DAD1: variants seen among roughly 807,000 people sequenced by gnomAD.
The protein encoded by DAD1 is defender against cell death 1.
Under a neutral mutation model 9.0 loss-of-function variants are expected in DAD1, and 4 were observed. The observed-to-expected ratio is 0.44, with a 90% CI of 0.22 to 1.01. DAD1 has a LOEUF of 1.01. DAD1 is among the 50% of genes least tolerant of loss of function. DAD1 has a pLI of 0.24. For missense variants in DAD1, 119 were observed against 137.3 expected (o/e 0.87, Z 0.67); for synonymous variants, 60 against 62.5 (o/e 0.96, Z 0.19).
chr14:22,576,083 G>T (rs879453000), intron 1 of DAD1, among the ~76,000 whole-genome samples: 1 of 152,066 alleles, frequency 6.6e-6, no homozygotes, highest in African/African-American at 2.4e-5. Flanking sequence ...TGCCCAGGCC[G>T]GACTGGAACC....
chr14:22,589,197 T>G lies in DAD1; in HGVS notation c.-40A>C. 1 of 1,605,680 alleles carries G rather than the reference T, an allele frequency of 6.2e-7. No individual in the cohort carries two copies. The highest frequency in any genetic ancestry group is 1.1e-5 in the South Asian group (1 of 90,730). ...TACTCCGGTCCGCGCCCCAAACTCT[T>G]GGAGGACCCGTCGACCACACCGGAT... On this transcript the variant is annotated 5_prime_UTR_variant, in exon 1 of 3. Transcript: ENST00000250498.
intron 2 of DAD1, among the ~76,000 whole-genome samples, chr14:22,568,870 T>C (rs997337752): frequency 1.4e-4 from 21 of 152,230 alleles, no homozygotes; most frequent in Admixed American, 5.9e-4. Flanking sequence ...TCTAATTCTT[T>C]TGATTTTTGG....
At chr14:22,578,580 A>G (rs5742764) in intron 1 of DAD1, among the ~76,000 whole-genome samples, 14,017 of 152,252 alleles carry the variant, frequency 0.092, 1,189 homozygotes, top group African/African-American at 0.22. Context: ...AACAAAACAA[A>G]AAAGTATATG....
rs2037066760 is a variant in DAD1 at position 22,575,038 on chromosome 14, A to G, written c.*44+21T>C. 1.9e-6 allele frequency: 3 copies of G among 1,575,556 alleles called. No individual in the cohort carries two copies. The Admixed American group carries it at 5.3e-5, about 28-fold the overall frequency. On this transcript the variant is annotated intron_variant, in intron 2 of 2. Transcript: ENST00000250498. Reference sequence around the variant, plus strand: ...TTCCTAAAATCAACATTATAGGACAAGGACTATGATCATCACTTACATTCT... The same window carrying G: ...TTCCTAAAATCAACATTATAGGACAGGGACTATGATCATCACTTACATTCT...
chr14:22,589,060 T>C lies in DAD1; in HGVS notation c.98A>G (p.Tyr33Cys). 1 of 1,614,152 alleles carries C rather than the reference T, an allele frequency of 6.2e-7. No homozygotes were observed. The highest frequency in any genetic ancestry group is 8.5e-7 in the Non-Finnish European group (1 of 1,180,018). The change falls in exon 1 of 3, where the codon TAT (tyrosine) becomes TGT (cysteine). Residue 33 changes from tyrosine (Y) to cysteine (C), a missense_variant. Coordinates refer to ENST00000250498, the MANE Select transcript of DAD1 (RefSeq NM_001344.4). ...RLKLLDAYLL[Y>C]ILLTGALQFG... Reference sequence around the variant, plus strand: ...CTGCAGCGCCCCGGTCAGCAGTATATACAGCAGGTACGCGTCCAGCAACTT... The same window carrying C: ...CTGCAGCGCCCCGGTCAGCAGTATACACAGCAGGTACGCGTCCAGCAACTT...
chr14:22,571,994 G>A (rs747307629), intron 2 of DAD1, among the ~76,000 whole-genome samples: 8 of 152,016 alleles, frequency 5.3e-5, no homozygotes, highest in East Asian at 1.9e-4. Context: ...GCCTATCCTC[G>A]TGAAATTATT....
At chr14:22,573,510 C>T (rs752247383) in intron 2 of DAD1, among the ~76,000 whole-genome samples, 3 of 151,770 alleles carry the variant, frequency 2.0e-5, no homozygotes, top group South Asian at 4.2e-4. Flanking sequence ...GTCAGGAGAT[C>T]GAGATCATCC....
At chr14:22,587,367 T>A (rs1423988678) in intron 1 of DAD1, among the ~76,000 whole-genome samples, 4 of 152,098 alleles carry the variant, frequency 2.6e-5, no homozygotes, top group Non-Finnish European at 5.9e-5. Context: ...CAAAATTAAA[T>A]CAAAAGTTCT....
chr14:22,580,072 C>T (rs927103394), intron 1 of DAD1, among the ~76,000 whole-genome samples: 1 of 151,872 alleles, frequency 6.6e-6, no homozygotes, highest in East Asian at 1.9e-4. Context: ...CCCGCCTCTG[C>T]TTGCCTAAGG....
chr14:22,576,221 ATAAGTT>A (rs1407938145), intron 1 of DAD1, among the ~76,000 whole-genome samples: 1 of 152,254 alleles, frequency 6.6e-6, no homozygotes, highest in East Asian at 1.9e-4. Flanking sequence ...GTTTTCCATT[ATAAGTT>A]TATTTTAAAA....
chr14:22,571,521 T>C (rs1179257506), intron 2 of DAD1, among the ~76,000 whole-genome samples: 1 of 152,016 alleles, frequency 6.6e-6, no homozygotes, highest in African/African-American at 2.4e-5. Flanking sequence ...GGGAGAATTT[T>C]TGCTTTTGTA....
intron 1 of DAD1, among the ~76,000 whole-genome samples, chr14:22,576,508 C>T (rs2037078552): frequency 6.6e-6 from 1 of 152,066 alleles, no homozygotes. Flanking sequence ...AGACCAAAAA[C>T]TAAAAAACTC....
At chr14:22,577,981 C>T (rs544944637) in intron 1 of DAD1, among the ~76,000 whole-genome samples, 1 of 152,180 alleles carries the variant, frequency 6.6e-6, no homozygotes, top group Non-Finnish European at 1.5e-5. Flanking sequence ...AGGCCGGGCA[C>T]GGTGGCTCAC....
chr14:22,573,756 C>T (rs1282909753), intron 2 of DAD1, among the ~76,000 whole-genome samples: 1 of 147,760 alleles, frequency 6.8e-6, no homozygotes, highest in Non-Finnish European at 1.5e-5. Flanking sequence ...AAGTTTTTCA[C>T]TGAAATAAAC....
rs553728440 is a variant in DAD1, at chr14:22,565,825, T to G, written c.*45-688A>C. Among the ~76,000 whole-genome samples, 260 of 152,154 alleles carry G rather than the reference T, an allele frequency of 1.7e-3. 1 individual carries two copies. The highest frequency in any genetic ancestry group is 2.4e-3 in the Non-Finnish European group (160 of 68,028). On this transcript the variant is annotated intron_variant, in intron 2 of 2. Transcript: ENST00000250498. ...CCTCAAAGCACAGCCTCCCACCTAC[T>G]GGACTCCAGCACAGCTCTGGTTGGA...
At chr14:22,574,739 G>A (rs564026978) in intron 2 of DAD1, among the ~76,000 whole-genome samples, 1 of 152,118 alleles carries the variant, frequency 6.6e-6, no homozygotes, top group South Asian at 2.1e-4. Context: ...AAATCTAAAG[G>A]CAAAACCTAC....
At chr14:22,587,117 A>G (rs2037157975) in intron 1 of DAD1, among the ~76,000 whole-genome samples, 4 of 152,242 alleles carry the variant, frequency 2.6e-5, no homozygotes, top group Admixed American at 6.5e-5. Flanking sequence ...TCTTGGCATA[A>G]GTGAAAGTCA....
intron 1 of DAD1, among the ~76,000 whole-genome samples, chr14:22,576,894 G>C (rs1251999070): frequency 6.6e-6 from 1 of 152,078 alleles, no homozygotes. Flanking sequence ...TTAATCACTA[G>C]GGCAATACAA....
rs1377610595 is a variant in DAD1, at chr14:22,582,481, G to A, written c.211+6466C>T. Among the ~76,000 whole-genome samples, 5 of 151,922 alleles carry A rather than the reference G, an allele frequency of 3.3e-5. No homozygotes were observed. The South Asian group carries it at 6.2e-4, about 19-fold the overall frequency. ...GGAGCTTGCAGTGAGCCGAAATCGCGCCACTGCACTCCAGCCTGGGCAACA... is the reference window on the plus strand; with the variant it reads ...GGAGCTTGCAGTGAGCCGAAATCGCACCACTGCACTCCAGCCTGGGCAACA... On this transcript the variant is annotated intron_variant, in intron 1 of 2. Coordinates refer to ENST00000250498, the MANE Select transcript of DAD1 (RefSeq NM_001344.4).
Sources: gnomAD v4.1 joint callset for allele counts (sites outside exome capture counted in the v4.1 genomes callset) on GRCh38, gnomAD v4.1.1 for gene constraint, MANE v1.5 for transcripts, NCBI Gene and HGNC (gene_info 2026-07-23, HGNC 2026-07-21) for gene names.